SELENOF: variants seen among roughly 807,000 people sequenced by gnomAD.
The protein encoded by SELENOF is selenoprotein F, also known as 15 kDa selenoprotein.
SELENOF carries 16 observed loss-of-function variants against 20.5 expected under a neutral mutation model. The observed-to-expected ratio is 0.78, with a 90% CI of 0.53 to 1.19. SELENOF has a LOEUF of 1.19. SELENOF is among the 50% of genes most tolerant of loss of function. The pLI is 0.00. For missense variants in SELENOF, 215 were observed against 194.2 expected, an observed-to-expected ratio of 1.11 and a Z score of -0.64; for synonymous variants, 78 against 74.5, an observed-to-expected ratio of 1.05 and a Z score of -0.24.
intron 1 of SELENOF, among the ~76,000 whole-genome samples, chr1:86,909,866 G>A (rs547517114): frequency 3.3e-4 from 51 of 152,276 alleles, no homozygotes; most frequent in African/African-American, 5.5e-4. Flanking sequence ...TTAGCTGGGC[G>A]TGGGGGCGCG....
intron 3 of SELENOF, among the ~76,000 whole-genome samples, chr1:86,876,722 C>T (rs1157219948): frequency 2.0e-5 from 3 of 152,156 alleles, no homozygotes; most frequent in African/African-American, 2.4e-5. Flanking sequence ...TAGACCCTGA[C>T]TAACAACAAC....
chr1:86,866,848 C>G (rs72945869), intron 4 of SELENOF, among the ~76,000 whole-genome samples: 3,873 of 152,296 alleles, frequency 0.025, 85 homozygotes, highest in African/African-American at 0.056. Flanking sequence ...CTCTTAATCA[C>G]TGCTAGGGCA....
chr1:86,891,646 A>C, intron 2 of SELENOF, among the ~76,000 whole-genome samples: 1 of 152,314 alleles, frequency 6.6e-6, no homozygotes, highest in African/African-American at 2.4e-5. Context: ...GCAGATATAA[A>C]AAAATTTTAA....
At chr1:86,899,058 C>A (rs1465224194) in intron 2 of SELENOF, among the ~76,000 whole-genome samples, 2 of 151,870 alleles carry the variant, frequency 1.3e-5, no homozygotes, top group Non-Finnish European at 2.9e-5. Context: ...CCATTTAACC[C>A]TGAGTGGACA....
chr1:86,883,589 T>C (rs967286200), intron 2 of SELENOF, among the ~76,000 whole-genome samples: 4 of 152,192 alleles, frequency 2.6e-5, no homozygotes, highest in African/African-American at 9.7e-5. Context: ...AGGCCATATT[T>C]AGATTTGGTT....
In SELENOF at chr1:86,863,619, G is replaced by T. The variant is rs572305903; in HGVS notation, c.367-14C>A. 1.6e-4 allele frequency: 251 copies of T among 1,608,758 alleles called. No individual in the cohort carries two copies. In the East Asian group the frequency reaches 5.3e-3, roughly 34 times the overall value. ...ACCACGGACATACTACAAAAAAGAGGGACGTCATCATTACTTTCTGTTCAG... is the reference window on the plus strand; with the variant it reads ...ACCACGGACATACTACAAAAAAGAGTGACGTCATCATTACTTTCTGTTCAG... On this transcript the variant is annotated splice_polypyrimidine_tract_variant and intron_variant, in intron 4 of 4. Coordinates refer to ENST00000331835, the MANE Select transcript of SELENOF (RefSeq NM_004261.5).
intron 1 of SELENOF, among the ~76,000 whole-genome samples, chr1:86,912,422 C>T (rs911525774): frequency 1.3e-5 from 2 of 152,166 alleles, no homozygotes; most frequent in African/African-American, 2.4e-5. Flanking sequence ...TACCTCCTAT[C>T]CTGGTATGCA....
rs36023452 is a variant in SELENOF at position 86,894,170 on chromosome 1, GT to G, written c.252+9110del. On this transcript the variant is annotated intron_variant, in intron 2 of 4. Coordinates refer to ENST00000331835, the MANE Select transcript of SELENOF (RefSeq NM_004261.5). ...AGATAAATCTCTTCTCAACCTGGAG[GT>G]TTTTTTTTTTTTTTTTTAAGTATTA... Among the ~76,000 whole-genome samples, 496 of 132,612 alleles carry G rather than the reference GT, an allele frequency of 3.7e-3. 1 individual carries two copies. The highest frequency in any genetic ancestry group is 0.012 in the Middle Eastern group (3 of 246). 87.0% of individuals were successfully genotyped at this position (132,612 alleles called of 152,430 possible).
chr1:86,865,212 CCAAA>C (rs140998471), intron 4 of SELENOF, among the ~76,000 whole-genome samples: 28,735 of 151,200 alleles, frequency 0.19, 2,852 homozygotes, highest in African/African-American at 0.21. Flanking sequence ...GCTCAGCTTA[CCAAA>C]CAAACAAACA....
chr1:86,905,438 T>C (rs1190278535), intron 1 of SELENOF, among the ~76,000 whole-genome samples: 1 of 152,200 alleles, frequency 6.6e-6, no homozygotes, highest in East Asian at 1.9e-4. Flanking sequence ...AAGAATCTAA[T>C]CAGTATTAGT....
At chr1:86,867,029 T>C (rs763498244) in intron 4 of SELENOF, among the ~76,000 whole-genome samples, 1 of 152,154 alleles carries the variant, frequency 6.6e-6, no homozygotes, top group Non-Finnish European at 1.5e-5. Context: ...TTACTCAAAA[T>C]TGCCCCAAAT....
chr1:86,914,280 C>T (rs558239980), upstream of SELENOF: 5 of 633,392 alleles, frequency 7.9e-6, no homozygotes, highest in African/African-American at 5.5e-5. Context: ...AATACAATCA[C>T]TGGGTGCTTT....
chr1:86,886,105 A>T (rs923671030), intron 2 of SELENOF, among the ~76,000 whole-genome samples: 10 of 152,200 alleles, frequency 6.6e-5, no homozygotes, highest in Non-Finnish European at 1.5e-4. Flanking sequence ...TTTCAAATTC[A>T]AACTACCTTA....
chr1:86,907,717 C>G (rs1486687131), intron 1 of SELENOF, among the ~76,000 whole-genome samples: 1 of 152,158 alleles, frequency 6.6e-6, no homozygotes, highest in East Asian at 1.9e-4. Flanking sequence ...GATGCGGTGG[C>G]TCACATCTAT....
intron 3 of SELENOF, among the ~76,000 whole-genome samples, chr1:86,876,899 T>C (rs574549549): frequency 2.6e-5 from 4 of 152,232 alleles, no homozygotes; most frequent in Admixed American, 6.5e-5. Context: ...AGAGAAGCCC[T>C]ATTAGGGTAC....
intron 2 of SELENOF, among the ~76,000 whole-genome samples, chr1:86,889,688 A>G (rs766442210): frequency 6.6e-5 from 10 of 152,152 alleles, no homozygotes; most frequent in Non-Finnish European, 1.3e-4. Flanking sequence ...CCCTTCTCCC[A>G]TCCATTATTG....
Position 86,913,687 on chromosome 1 carries a change from G to C in SELENOF, c.84+341C>G, listed in dbSNP as rs901671354. 7.6e-5 allele frequency: 19 copies of C among 251,198 alleles called. 1 individual carries two copies. The highest frequency in any genetic ancestry group is 3.7e-4 in the African/African-American group (17 of 46,154). 15.6% of individuals were successfully genotyped at this position (251,198 alleles called of 1,614,324 possible). A position where few individuals can be genotyped will look rare whatever the true frequency, so the allele number is the denominator to read the frequency against. The stretch of plus-strand genomic sequence containing the variant: ...TTGGAAGTCTCGTCATGAGTCTCTT[G>C]CATTTCTGTCCATTTAAAAACAACC... On this transcript the variant is annotated intron_variant, in intron 1 of 4. Transcript: ENST00000331835.
At chr1:86,886,814 G>A (rs1659231666) in intron 2 of SELENOF, among the ~76,000 whole-genome samples, 1 of 151,846 alleles carries the variant, frequency 6.6e-6, no homozygotes, top group African/African-American at 2.4e-5. Flanking sequence ...TAAAATGAAG[G>A]GATTTTAAAA....
At chr1:86,908,430 C>T (rs550489660) in intron 1 of SELENOF, among the ~76,000 whole-genome samples, 3 of 152,114 alleles carry the variant, frequency 2.0e-5, no homozygotes. Context: ...TTGTTATCAC[C>T]ATTTTATAAA....
Sources: allele counts gnomAD v4.1 joint callset (sites outside exome capture counted in the v4.1 genomes callset), GRCh38; gene constraint gnomAD v4.1.1; transcripts MANE v1.5; gene names NCBI Gene and HGNC (gene_info 2026-07-23, HGNC 2026-07-21).